The following PRICKLE2 variants were observed in gnomAD, a reference collection of about 807,000 sequenced individuals.
PRICKLE2 encodes prickle-like protein 2.
A neutral mutation model predicts 81.4 loss-of-function variants in PRICKLE2; 21 were observed. The ratio of observed to expected loss-of-function variants is 0.26; its 90% CI spans 0.18 to 0.37. The LOEUF (loss-of-function observed/expected upper bound fraction) is 0.37. Among genes scored for constraint, PRICKLE2 ranks in the 10% least tolerant of loss-of-function variants. PRICKLE2 has a pLI of 1.00. For missense variants in PRICKLE2, 940 were observed against 1,109.0 expected (o/e 0.85, Z 2.16); for synonymous variants, 456 against 421.5 (o/e 1.08, Z -1.00).
At chr3:64,224,596 C>T (rs1406888223) in intron 1 of PRICKLE2, among the ~76,000 whole-genome samples, 3 of 152,158 alleles carry the variant, frequency 2.0e-5, no homozygotes, top group African/African-American at 4.8e-5. Context: ...GGTCTGTTAG[C>T]CCCTTTCCCC....
intron 2 of PRICKLE2, among the ~76,000 whole-genome samples, chr3:64,249,094 C>A (rs1467614505): frequency 2.6e-5 from 4 of 152,098 alleles, no homozygotes; most frequent in East Asian, 3.9e-4. Context: ...CTACCTGAGA[C>A]TGGGCAATTT....
At chr3:64,124,090 C>T (rs974793462) in intron 7 of PRICKLE2, among the ~76,000 whole-genome samples, 1 of 152,176 alleles carries the variant, frequency 6.6e-6, no homozygotes, top group Non-Finnish European at 1.5e-5. Context: ...GATACTCCAA[C>T]ACATGCATGA....
chr3:64,137,698 G>A (rs537723246), intron 7 of PRICKLE2, among the ~76,000 whole-genome samples: 1 of 152,010 alleles, frequency 6.6e-6, no homozygotes, highest in Non-Finnish European at 1.5e-5. Flanking sequence ...CATTGTCCTC[G>A]GCTTCCCACA....
chr3:64,199,081 G>A (rs1437555937), intron 1 of PRICKLE2, 114 bp from the exon 2 acceptor site: 2 of 921,738 alleles, frequency 2.2e-6, no homozygotes, highest in African/African-American at 1.6e-5. Context: ...CCTTGGCAAT[G>A]GGCATCGGGC....
chr3:64,225,198 T>A lies in PRICKLE2; in HGVS notation c.-329A>T. On this transcript the variant is annotated 5_prime_UTR_variant, in exon 1 of 8. Transcript: ENST00000638394. ...AGCAAGAGAAAAAAAGTATGACTTCTACTCTTCCTCTAGATCAGCCTGAGT... is the reference window on the plus strand; with the variant it reads ...AGCAAGAGAAAAAAAGTATGACTTCAACTCTTCCTCTAGATCAGCCTGAGT... 1 of 985,460 alleles carries A rather than the reference T, an allele frequency of 1.0e-6. No homozygotes were observed. Among genetic ancestry groups the A allele is most frequent in the Non-Finnish European group, 1.2e-6 (1 of 829,984 alleles). 61.0% of individuals were successfully genotyped at this position (985,460 alleles called of 1,614,324 possible).
intron 2 of PRICKLE2, among the ~76,000 whole-genome samples, chr3:64,181,558 A>G (rs979026964): frequency 2.0e-5 from 3 of 152,046 alleles, no homozygotes; most frequent in Admixed American, 1.3e-4. Flanking sequence ...TAGTTATTCT[A>G]CTGACAGCTC....
intron 2 of PRICKLE2, among the ~76,000 whole-genome samples, chr3:64,256,149 A>G (rs1177800203): frequency 6.6e-6 from 1 of 152,172 alleles, no homozygotes; most frequent in Non-Finnish European, 1.5e-5. Context: ...TTACTTACAT[A>G]TAAGGCTCAG....
intron 2 of PRICKLE2, among the ~76,000 whole-genome samples, chr3:64,170,537 T>A (rs1409297856): frequency 1.3e-5 from 2 of 152,036 alleles, no homozygotes; most frequent in Non-Finnish European, 2.9e-5. Context: ...CATTGGAATA[T>A]AAACCAGGGT....
intron 7 of PRICKLE2, among the ~76,000 whole-genome samples, chr3:64,138,616 GA>G (rs1559532633): frequency 6.6e-6 from 1 of 152,192 alleles, no homozygotes; most frequent in Non-Finnish European, 1.5e-5. Flanking sequence ...GAAGTTACTT[GA>G]TCAAAAAAAT....
At chr3:64,222,913 T>A (rs1192795988) in intron 1 of PRICKLE2, among the ~76,000 whole-genome samples, 2 of 152,206 alleles carry the variant, frequency 1.3e-5, no homozygotes, top group African/African-American at 4.8e-5. Context: ...ATGCCTTCTT[T>A]AAGGCTGCCT....
intron 7 of PRICKLE2, among the ~76,000 whole-genome samples, chr3:64,111,238 A>G (rs776027355): frequency 2.6e-5 from 4 of 152,364 alleles, no homozygotes; most frequent in African/African-American, 9.6e-5. Context: ...GGGGACACCA[A>G]TGAAATGTTC....
intron 7 of PRICKLE2, among the ~76,000 whole-genome samples, chr3:64,122,574 G>T (rs1041919212): frequency 1.3e-5 from 2 of 152,164 alleles, no homozygotes; most frequent in Admixed American, 1.3e-4. Flanking sequence ...CCCAGCACTG[G>T]CTGCCCTCAC....
At chr3:64,125,281 G>A (rs1472515707) in intron 7 of PRICKLE2, among the ~76,000 whole-genome samples, 1 of 152,224 alleles carries the variant, frequency 6.6e-6, no homozygotes, top group Non-Finnish European at 1.5e-5. Context: ...TCCTGGTGAA[G>A]ATGCTACGAA....
At chr3:64,237,248 C>G (rs1411869148) in intron 2 of PRICKLE2, among the ~76,000 whole-genome samples, 2 of 152,122 alleles carry the variant, frequency 1.3e-5, no homozygotes, top group Non-Finnish European at 2.9e-5. Context: ...AGTGGAGGGT[C>G]AGTGTGACAG....
At chr3:64,110,657 G>A (rs6789593) in intron 7 of PRICKLE2, among the ~76,000 whole-genome samples, 37,125 of 151,934 alleles carry the variant, frequency 0.24, 4,703 homozygotes, top group Non-Finnish European at 0.27. Context: ...CCCAGCCAAG[G>A]GCAGGGAAAA....
At chr3:64,252,309 C>T (rs1217358064) in intron 2 of PRICKLE2, among the ~76,000 whole-genome samples, 1 of 152,202 alleles carries the variant, frequency 6.6e-6, no homozygotes, top group African/African-American at 2.4e-5. Flanking sequence ...ACTCTCCTTT[C>T]TCCCAGGAAA....
At chr3:64,141,928 C>A in intron 7 of PRICKLE2, 2 of 984,802 alleles carry the variant, frequency 2.0e-6, no homozygotes, top group Non-Finnish European at 2.4e-6. Flanking sequence ...TTTTGTGGCA[C>A]GTACCTGGTA....
chr3:64,133,687 G>T (rs1270726610), intron 7 of PRICKLE2, among the ~76,000 whole-genome samples: 1 of 152,134 alleles, frequency 6.6e-6, no homozygotes, highest in Non-Finnish European at 1.5e-5. Context: ...ATTAATAGGG[G>T]TAACATGGGC....
intron 7 of PRICKLE2, among the ~76,000 whole-genome samples, chr3:64,116,823 T>A (rs1316788208): frequency 6.6e-6 from 1 of 151,760 alleles, no homozygotes; most frequent in Non-Finnish European, 1.5e-5. Flanking sequence ...TGAGGAGGAG[T>A]GACTCCTCCC....
Sources: gnomAD v4.1 joint callset for allele counts (sites outside exome capture counted in the v4.1 genomes callset) on GRCh38, gnomAD v4.1.1 for gene constraint, MANE v1.5 for transcripts, NCBI Gene and HGNC (gene_info 2026-07-23, HGNC 2026-07-21) for gene names.